Variants in WDFY2 observed in about 807,000 individuals in gnomAD.
The protein encoded by WDFY2 is WD repeat and FYVE domain-containing protein 2.
WDFY2 carries 36 observed loss-of-function variants against 56.4 expected under a neutral mutation model. The ratio of observed to expected loss-of-function variants is 0.64; its 90% confidence interval spans 0.49 to 0.84. The LOEUF is 0.84. WDFY2 is among the 40% of genes least tolerant of loss of function. WDFY2 has a pLI of 0.00. For missense variants in WDFY2, 444 were observed against 512.2 expected, an observed-to-expected ratio of 0.87 and a Z score of 1.29; for synonymous variants, 176 against 183.7, an observed-to-expected ratio of 0.96 and a Z score of 0.34.
chr13:51,709,051 T>C (rs1277289775), intron 4 of WDFY2, among the ~76,000 whole-genome samples: 4 of 152,062 alleles, frequency 2.6e-5, no homozygotes, highest in African/African-American at 9.7e-5. Context: ...AAGTTATAGA[T>C]AGAAATTTTA....
In WDFY2 at chr13:51,660,602, T is replaced by A. The variant is rs565202347; in HGVS notation, c.144T>A (p.Val48=). ...GVISVSEDRT[V]RVWLKRDSGQ... ...ATATTTTCTTCTGTTGTAGGACAGT[T>A]CGTGTTTGGTTAAAGAGAGACAGTG... Residue 48 remains valine, a synonymous_variant, in exon 2 of 12, where the codon GTT becomes GTA. Transcript: ENST00000298125. The A allele has an allele frequency of 6.9e-5, 111 of 1,613,832 alleles. No homozygotes were observed. The South Asian group carries it at 7.6e-4, about 11-fold the overall frequency.
At chr13:51,675,290 G>T (rs773211131) in intron 3 of WDFY2, 47 bp downstream of exon 3, 4 of 1,521,234 alleles carry the variant, frequency 2.6e-6, no homozygotes, top group Non-Finnish European at 2.7e-6. Context: ...TTCCCTTCCT[G>T]TGGAGTATGT....
chr13:51,654,216 C>T (rs375296835), intron 1 of WDFY2, among the ~76,000 whole-genome samples: 2 of 152,226 alleles, frequency 1.3e-5, no homozygotes, highest in East Asian at 1.9e-4. Context: ...GCGCGGGATA[C>T]AATCTCCTAG....
In WDFY2 at chr13:51,760,052, G is replaced by A. The variant is rs992095392; in HGVS notation, c.*283G>A. ...TTGTTTTGAGTGTACCGAAAAATCT[G>A]TGTGGGGTGTTTAATTTTTATACTT... On this transcript the variant is annotated 3_prime_UTR_variant, in exon 12 of 12. Transcript: ENST00000298125. The A allele has an allele frequency of 1.8e-5, 6 of 330,260 alleles. No individual in the cohort carries two copies. The highest frequency in any genetic ancestry group is 1.3e-4 in the African/African-American group (6 of 47,510). The allele number at this position is 330,260 out of a possible 1,614,324, so 20.5% of individuals were successfully genotyped here.
intron 4 of WDFY2, among the ~76,000 whole-genome samples, chr13:51,713,864 AAAG>A (rs1952282604): frequency 6.6e-6 from 1 of 151,572 alleles, no homozygotes; most frequent in Non-Finnish European, 1.5e-5. Context: ...AAAAAAAAAA[AAAG>A]GAGAAATACT....
At chr13:51,622,032 A>G (rs1954739367) in intron 1 of WDFY2, among the ~76,000 whole-genome samples, 2 of 152,150 alleles carry the variant, frequency 1.3e-5, no homozygotes, top group Admixed American at 1.3e-4. Flanking sequence ...GGAGGCGGGA[A>G]AGATGGATTG....
intron 3 of WDFY2, among the ~76,000 whole-genome samples, chr13:51,680,042 A>T (rs1433904907): frequency 6.6e-6 from 1 of 152,106 alleles, no homozygotes; most frequent in Admixed American, 6.6e-5. Context: ...TTCCCACCTC[A>T]GCCTCTGGAG....
chr13:51,683,067 A>G (rs1325978522), intron 3 of WDFY2, among the ~76,000 whole-genome samples: 3 of 152,304 alleles, frequency 2.0e-5, no homozygotes, highest in African/African-American at 7.2e-5. Context: ...CGTCCTCAAG[A>G]AAAGGGGTTG....
intron 1 of WDFY2, chr13:51,587,079 A>G (rs911222982): frequency 2.6e-5 from 4 of 152,248 alleles, no homozygotes; most frequent in Non-Finnish European, 5.9e-5. Context: ...TTAGCTAGAA[A>G]CTAGTAATCT....
chr13:51,669,124 A>C (rs1336051689), intron 2 of WDFY2, among the ~76,000 whole-genome samples: 1 of 152,128 alleles, frequency 6.6e-6, no homozygotes, highest in Non-Finnish European at 1.5e-5. Context: ...TGAGATTTTT[A>C]TGCTGATCTC....
At chr13:51,723,570 C>T (rs527788209) in intron 5 of WDFY2, among the ~76,000 whole-genome samples, 41 of 152,308 alleles carry the variant, frequency 2.7e-4, no homozygotes, top group Middle Eastern at 3.4e-3. Flanking sequence ...TACCTACTCT[C>T]CTCACATATT....
chr13:51,611,915 A>G (rs1200751700), intron 1 of WDFY2, among the ~76,000 whole-genome samples: 2 of 152,180 alleles, frequency 1.3e-5, no homozygotes, highest in Non-Finnish European at 2.9e-5. Flanking sequence ...AGCTACAATC[A>G]TGCGCACATA....
chr13:51,660,220 G>A (rs140456315), intron 1 of WDFY2, among the ~76,000 whole-genome samples: 15 of 151,178 alleles, frequency 9.9e-5, no homozygotes, highest in African/African-American at 2.9e-4. Context: ...TTTTTAAGAC[G>A]GAGTTTCTCT....
chr13:51,718,196 C>G (rs1019418832), intron 4 of WDFY2, among the ~76,000 whole-genome samples: 5 of 152,114 alleles, frequency 3.3e-5, no homozygotes, highest in African/African-American at 1.2e-4. Context: ...TGTTCATGCC[C>G]CATCAGACTG....
intron 2 of WDFY2, among the ~76,000 whole-genome samples, chr13:51,664,408 A>G (rs1461558776): frequency 6.6e-6 from 1 of 152,226 alleles, no homozygotes; most frequent in Non-Finnish European, 1.5e-5. Flanking sequence ...CTGGGAACAT[A>G]TAAACCCAAG....
At position 51,606,582 on chromosome 13, in the gene WDFY2, A is replaced by G. The variant is rs1954388346; in HGVS notation, c.137+21758A>G. On this transcript the variant is annotated intron_variant, in intron 1 of 11. Transcript: ENST00000298125. The stretch of plus-strand genomic sequence containing the variant: ...CATTTGACCTTTTATTAACAAATAT[A>G]TTTTGTTCATATCAATGGAATATGA... 3.3e-5 allele frequency among the ~76,000 whole-genome samples: 5 copies of G among 152,150 alleles called. No individual in the cohort carries two copies. The South Asian group carries it at 1.0e-3, about 32-fold the overall frequency.
At chr13:51,646,084 TC>T (rs1357010203) in intron 1 of WDFY2, among the ~76,000 whole-genome samples, 2 of 152,218 alleles carry the variant, frequency 1.3e-5, no homozygotes, top group Non-Finnish European at 2.9e-5. Context: ...TAGGCCTTCA[TC>T]CTTTTTTACT....
intron 2 of WDFY2, among the ~76,000 whole-genome samples, chr13:51,663,484 G>A (rs1955649111): frequency 6.6e-6 from 1 of 152,148 alleles, no homozygotes. Flanking sequence ...TTACTACTGT[G>A]TAGAGGTGAA....
intron 1 of WDFY2, among the ~76,000 whole-genome samples, chr13:51,622,504 A>T (rs1235336345): frequency 6.6e-6 from 1 of 152,178 alleles, no homozygotes; most frequent in Non-Finnish European, 1.5e-5. Context: ...TCTTTCTCTA[A>T]TTGCATTAAC....
Sources: gnomAD v4.1 joint callset for allele counts (sites outside exome capture counted in the v4.1 genomes callset) on GRCh38, gnomAD v4.1.1 for gene constraint, MANE v1.5 for transcripts, NCBI Gene and HGNC (gene_info 2026-07-23, HGNC 2026-07-21) for gene names.